The following CFHR5 variants were observed in gnomAD, a reference collection of about 807,000 sequenced individuals.
CFHR5 encodes complement factor H related 5.
A neutral mutation model predicts 62.9 loss-of-function variants in CFHR5; 73 were observed. The ratio of observed to expected loss-of-function variants is 1.16; its 90% CI spans 0.96 to 1.41. The LOEUF (loss-of-function observed/expected upper bound fraction) is 1.41. Among genes scored for constraint, CFHR5 ranks in the 40% most tolerant of loss-of-function variants. The pLI is 0.00. For synonymous variants in CFHR5, 249 were observed against 227.2 expected (o/e 1.10, Z -0.86); for missense variants, 779 against 679.9 (o/e 1.15, Z -1.62).
At chr1:197,003,071 A>G (rs1654194951) in intron 8 of CFHR5, among the ~76,000 whole-genome samples, 1 of 151,984 alleles carries the variant, frequency 6.6e-6, no homozygotes, top group Non-Finnish European at 1.5e-5. Context: ...GTGGAAGACA[A>G]TTTTTCCATG....
intron 7 of CFHR5, among the ~76,000 whole-genome samples, chr1:197,001,677 T>C (rs1316724354): frequency 6.6e-6 from 1 of 151,698 alleles, no homozygotes; most frequent in East Asian, 1.9e-4. Flanking sequence ...GCATTAGATA[T>C]ATCTCCTAAT....
At chr1:197,004,075 G>A (rs2125039512) in intron 8 of CFHR5, among the ~76,000 whole-genome samples, 1 of 152,226 alleles carries the variant, frequency 6.6e-6, no homozygotes, top group Middle Eastern at 3.4e-3. Flanking sequence ...TATATAAAGG[G>A]AGATCAGTCA....
intron 8 of CFHR5, among the ~76,000 whole-genome samples, chr1:197,003,590 A>T (rs1472648336): frequency 1.3e-5 from 2 of 152,208 alleles, no homozygotes; most frequent in South Asian, 2.1e-4. Context: ...GCTGGACAAG[A>T]TGCCTGATAA....
intron 3 of CFHR5, among the ~76,000 whole-genome samples, chr1:196,986,727 C>T (rs1340146703): frequency 6.6e-6 from 1 of 152,092 alleles, no homozygotes; most frequent in Admixed American, 6.6e-5. Flanking sequence ...CATAGTATTC[C>T]ATGGTGTATG....
chr1:196,998,991 AACCAGTC>A (rs1654063135), intron 7 of CFHR5, among the ~76,000 whole-genome samples: 1 of 152,022 alleles, frequency 6.6e-6, no homozygotes, highest in Non-Finnish European at 1.5e-5. Context: ...AGTAACTGGC[AACCAGTC>A]ATTCTATGTA....
At chr1:196,994,540 A>C (rs1653938868) in intron 4 of CFHR5, among the ~76,000 whole-genome samples, 1 of 152,182 alleles carries the variant, frequency 6.6e-6, no homozygotes, top group Non-Finnish European at 1.5e-5. Flanking sequence ...TAGCTCAATA[A>C]AAAATTTATA....
At chr1:197,004,442 C>T (rs978803960) in intron 8 of CFHR5, among the ~76,000 whole-genome samples, 1 of 152,078 alleles carries the variant, frequency 6.6e-6, no homozygotes, top group Non-Finnish European at 1.5e-5. Flanking sequence ...ACCTGTCTCT[C>T]CTGCCTTCAA....
chr1:196,996,278 C>A, intron 6 of CFHR5, 77 bp downstream of exon 6: 1 of 1,186,202 alleles, frequency 8.4e-7, no homozygotes, highest in Non-Finnish European at 1.2e-6. Context: ...ATAAATCTGG[C>A]TAGAATTACA....
chr1:197,002,575 C>T lies in CFHR5; in HGVS notation c.1241C>T (p.Ala414Val), dbSNP rs1654182608. ...AATTATCAGGATGGAGAAAAAGTAGCTGTTCTCTGTAAAGAAAACTATCTA... is the reference window on the plus strand; with the variant it reads ...AATTATCAGGATGGAGAAAAAGTAGTTGTTCTCTGTAAAGAAAACTATCTA... Reference protein sequence around the residue: ...TVNYQDGEKVAVLCKENYLLP... With the variant: ...TVNYQDGEKVVVLCKENYLLP... Residue 414 changes from alanine (A) to valine (V), a missense_variant, in exon 8 of 10, where the codon GCT becomes GTT. Ala to Val is a moderately conservative substitution (Grantham distance 64). Transcript: ENST00000256785. 6.2e-7 allele frequency: 1 copy of T among 1,612,594 alleles called. No homozygotes were observed. Among genetic ancestry groups the T allele is most frequent in the Admixed American group, 1.7e-5 (1 of 59,932 alleles).
chr1:197,006,955 G>T (rs946282029), intron 9 of CFHR5, among the ~76,000 whole-genome samples: 1 of 151,480 alleles, frequency 6.6e-6, no homozygotes, highest in Non-Finnish European at 1.5e-5. Flanking sequence ...TCCTGCCTCA[G>T]CCTCCCGAGT....
chr1:196,987,316 G>A (rs1298906912), intron 3 of CFHR5, among the ~76,000 whole-genome samples: 4 of 151,928 alleles, frequency 2.6e-5, no homozygotes, highest in Non-Finnish European at 4.4e-5. Flanking sequence ...TACGTTGCCT[G>A]TTCACTCTGA....
chr1:196,991,701 C>T (rs1328414394), intron 3 of CFHR5, among the ~76,000 whole-genome samples: 1 of 152,046 alleles, frequency 6.6e-6, no homozygotes, highest in African/African-American at 2.4e-5. Flanking sequence ...GCAGAGGCTG[C>T]AGAACAGCAA....
Position 196,995,820 on chromosome 1 carries a change from C to A in CFHR5, c.711C>A (p.Cys237Ter), listed in dbSNP as rs201267612. The A allele has an allele frequency of 7.4e-6, 12 of 1,612,344 alleles. No homozygotes were observed. The African/African-American group carries it at 1.3e-4, about 18-fold the overall frequency. The change falls in exon 5 of 10, where the codon TGC (cysteine) becomes TGA (stop). Residue 237 changes from cysteine to a stop codon, truncating the protein, a stop_gained. Transcript: ENST00000256785. LOFTEE classifies it high-confidence loss of function. The part of the protein sequence containing the change: ...YGHNEVVEYD[C>*]NPNFIINGPK... Reference sequence around the variant, plus strand: ...ACAATGAAGTAGTGGAATATGATTGCAATCCTAATTTTATAATAAACGGGC... The same window carrying A: ...ACAATGAAGTAGTGGAATATGATTGAAATCCTAATTTTATAATAAACGGGC...
At chr1:197,004,563 T>A in intron 8 of CFHR5, 98 bp from the exon 9 acceptor site, 1 of 970,894 alleles carries the variant, frequency 1.0e-6, no homozygotes, top group Non-Finnish European at 1.6e-6. Flanking sequence ...TATTTGAATT[T>A]CCAGACACCT....
intron 1 of CFHR5, among the ~76,000 whole-genome samples, chr1:196,980,174 C>T: frequency 6.6e-6 from 1 of 152,030 alleles, no homozygotes; most frequent in East Asian, 1.9e-4. Context: ...TGGAGCTGTC[C>T]TCTCCTATGA....
In CFHR5 at chr1:196,977,812, A is replaced by G; in HGVS notation, c.58+90A>G. Reference sequence around the variant, plus strand: ...GTATGCATACAAATATTTTTAAATGAATAAATAGCTGAGGATAATTTGAAG... The same window carrying G: ...GTATGCATACAAATATTTTTAAATGGATAAATAGCTGAGGATAATTTGAAG... On this transcript the variant is annotated intron_variant, in intron 1 of 9. Transcript: ENST00000256785. 4.2e-6 allele frequency: 4 copies of G among 953,876 alleles called. No homozygotes were observed. In the East Asian group the frequency reaches 9.6e-5, roughly 23 times the overall value. The allele number at this position is 953,876 out of a possible 1,614,324, so 59.1% of individuals were successfully genotyped here. A position where few individuals can be genotyped will look rare whatever the true frequency, so the allele number is the denominator to read the frequency against.
At chr1:196,995,177 C>G (rs995085532) in intron 4 of CFHR5, among the ~76,000 whole-genome samples, 4 of 152,090 alleles carry the variant, frequency 2.6e-5, no homozygotes, top group Non-Finnish European at 5.9e-5. Context: ...TATTGACCTA[C>G]TTAAAAATCT....
intron 3 of CFHR5, among the ~76,000 whole-genome samples, chr1:196,993,507 G>A (rs1200555917): frequency 3.9e-5 from 6 of 152,106 alleles, no homozygotes; most frequent in Admixed American, 3.3e-4. Flanking sequence ...ATGTTGGCCA[G>A]GCTAGTCTTG....
intron 9 of CFHR5, among the ~76,000 whole-genome samples, chr1:197,007,910 G>A (rs28617548): frequency 2.1e-5 from 3 of 145,366 alleles, no homozygotes; most frequent in African/African-American, 5.0e-5. Flanking sequence ...TACAATTAAC[G>A]TACATATATT....
Sources: allele counts gnomAD v4.1 joint callset (sites outside exome capture counted in the v4.1 genomes callset), GRCh38; gene constraint gnomAD v4.1.1; transcripts MANE v1.5; gene names NCBI Gene and HGNC (gene_info 2026-07-23, HGNC 2026-07-21).